Variants in METTL14 observed in about 807,000 individuals in gnomAD.
METTL14 encodes the protein methyltransferase 14, N6-adenosine-methyltransferase non-catalytic subunit.
A neutral mutation model predicts 62.4 loss-of-function variants in METTL14; 32 were observed. The ratio of observed to expected loss-of-function variants is 0.51; its 90% CI spans 0.39 to 0.69. METTL14 has a LOEUF of 0.69. Among genes scored for constraint, METTL14 ranks in the 30% least tolerant of loss-of-function variants. METTL14 has a pLI of 0.00. For synonymous variants in METTL14, 150 were observed against 180.0 expected (o/e 0.83, Z 1.34); for missense variants, 340 against 551.9 (o/e 0.62, Z 3.85).
At chr4:118,700,770 A>AG in intron 8 of METTL14, 128 bp downstream of exon 8, 1 of 610,630 alleles carries the variant, frequency 1.6e-6, no homozygotes, top group South Asian at 2.9e-5. Context: ...TAAAATAGTG[A>AG]GAAAAAAAAA....
chr4:118,702,847 G>A (rs927872227), intron 8 of METTL14, among the ~76,000 whole-genome samples: 2 of 149,686 alleles, frequency 1.3e-5, no homozygotes, highest in Non-Finnish European at 3.0e-5. Context: ...CCTGAAAAGT[G>A]TATGTTTTAT....
chr4:118,704,148 G>A, intron 9 of METTL14, 97 bp downstream of exon 9: 3 of 706,564 alleles, frequency 4.2e-6, no homozygotes, highest in South Asian at 1.9e-5. Context: ...CAGTGAAAAG[G>A]TCCTTTTCTT....
At chr4:118,691,856 A>G in intron 4 of METTL14, 125 bp from the exon 5 acceptor site, 1 of 662,608 alleles carries the variant, frequency 1.5e-6, no homozygotes, top group East Asian at 3.0e-5. Context: ...ATTTTCAAAT[A>G]TTACTAATTT....
chr4:118,704,331 G>A (rs916756119), intron 9 of METTL14, among the ~76,000 whole-genome samples: 1 of 152,058 alleles, frequency 6.6e-6, no homozygotes, highest in Non-Finnish European at 1.5e-5. Flanking sequence ...ACACTCACCC[G>A]CAGAATTTTT....
chr4:118,706,691 T>C (rs1179251299), intron 10 of METTL14, among the ~76,000 whole-genome samples: 1 of 152,212 alleles, frequency 6.6e-6, no homozygotes, highest in Non-Finnish European at 1.5e-5. Context: ...CCATTTTACA[T>C]TTCCACCGGC....
intron 9 of METTL14, among the ~76,000 whole-genome samples, chr4:118,705,035 G>C (rs969512999): frequency 6.6e-6 from 1 of 152,106 alleles, no homozygotes; most frequent in East Asian, 1.9e-4. Flanking sequence ...GCTTGGTATG[G>C]GAAAAACCCA....
chr4:118,701,118 G>C (rs556050153), intron 8 of METTL14, among the ~76,000 whole-genome samples: 1 of 151,272 alleles, frequency 6.6e-6, no homozygotes, highest in South Asian at 2.1e-4. Context: ...CTTATTTTAA[G>C]TATCTGATAT....
chr4:118,690,158 G>A (rs970298718), intron 3 of METTL14, among the ~76,000 whole-genome samples: 11 of 141,786 alleles, frequency 7.8e-5, no homozygotes, highest in African/African-American at 2.3e-4. Context: ...CTTCTGTCTC[G>A]GCCTCCCAAG....
At chr4:118,687,521 C>T (rs976016245) in intron 1 of METTL14, among the ~76,000 whole-genome samples, 2 of 152,144 alleles carry the variant, frequency 1.3e-5, no homozygotes, top group South Asian at 2.1e-4. Flanking sequence ...CCAGGCTGCT[C>T]ATTGACTTAC....
chr4:118,699,910 T>G lies in METTL14; in HGVS notation c.646-640T>G, dbSNP rs143772033. 7.2e-4 allele frequency among the ~76,000 whole-genome samples: 109 copies of G among 152,216 alleles called. No homozygotes were observed. In the East Asian group the frequency reaches 0.018, roughly 26 times the overall value. ...AACAAAATGTAAATAAGAAAAATGT[T>G]TGGGTTTCACAGGTATTCTTTTTCA... is the stretch of plus-strand genomic sequence containing the variant. On this transcript the variant is annotated intron_variant, in intron 7 of 10. Transcript: ENST00000388822.
At chr4:118,688,106 G>T in intron 2 of METTL14, 95 bp downstream of exon 2, 1 of 963,708 alleles carries the variant, frequency 1.0e-6, no homozygotes, top group Non-Finnish European at 1.6e-6. Context: ...CATGATTATG[G>T]CTCACTGCAG....
chr4:118,692,092 C>T (rs748118433), intron 5 of METTL14, 24 bp downstream of exon 5: 29 of 1,385,192 alleles, frequency 2.1e-5, no homozygotes, highest in Middle Eastern at 1.8e-4. Flanking sequence ...GTTTGGACTA[C>T]GCTATTGCTG....
chr4:118,702,102 A>G (rs544035939), intron 8 of METTL14, among the ~76,000 whole-genome samples: 1 of 150,078 alleles, frequency 6.7e-6, no homozygotes, highest in East Asian at 2.0e-4. Flanking sequence ...ATTGAAAATG[A>G]TTAGAAGGTT....
chr4:118,694,626 T>TA, intron 6 of METTL14, 100 bp downstream of exon 6: 2 of 828,144 alleles, frequency 2.4e-6, no homozygotes, highest in Non-Finnish European at 4.0e-6. Flanking sequence ...ATTCAGCACT[T>TA]ATGTTAACAT....
chr4:118,704,392 C>G (rs1724694471), intron 9 of METTL14, among the ~76,000 whole-genome samples: 1 of 152,188 alleles, frequency 6.6e-6, no homozygotes, highest in Non-Finnish European at 1.5e-5. Flanking sequence ...AGTTGGCCAG[C>G]TTAGAGACGT....
intron 3 of METTL14, 113 bp from the exon 4 acceptor site, chr4:118,691,419 T>G: frequency 1.7e-6 from 1 of 593,600 alleles, no homozygotes; most frequent in South Asian, 2.7e-5. Context: ...TTAATGCTAA[T>G]TTAAAACATT....
intron 3 of METTL14, among the ~76,000 whole-genome samples, chr4:118,690,030 ATAT>A (rs1724196604): frequency 8.3e-6 from 1 of 121,008 alleles, no homozygotes. Context: ...CTAGGTAATA[ATAT>A]TCTTTTTTTT....
At chr4:118,703,114 C>T (rs1161143878) in intron 8 of METTL14, among the ~76,000 whole-genome samples, 1 of 151,978 alleles carries the variant, frequency 6.6e-6, no homozygotes, top group African/African-American at 2.4e-5. Context: ...TCCCCTAGCC[C>T]CCAACCTGCC....
chr4:118,706,006 C>T (rs879841323), intron 10 of METTL14, among the ~76,000 whole-genome samples, 185 bp downstream of exon 10: 1 of 152,128 alleles, frequency 6.6e-6, no homozygotes, highest in African/African-American at 2.4e-5. Flanking sequence ...TTCCATATAC[C>T]TGCTGCCCCC....
Sources: allele counts gnomAD v4.1 joint callset (sites outside exome capture counted in the v4.1 genomes callset), GRCh38; gene constraint gnomAD v4.1.1; transcripts MANE v1.5; gene names NCBI Gene and HGNC (gene_info 2026-07-23, HGNC 2026-07-21).